The following CADM2 variants were observed in gnomAD, a reference collection of about 807,000 sequenced individuals.
The protein encoded by CADM2 is cell adhesion molecule 2.
Under a neutral mutation model 49.8 loss-of-function variants are expected in CADM2, and 12 were observed. The ratio of observed to expected loss-of-function variants is 0.24; its 90% CI spans 0.15 to 0.39. The LOEUF (loss-of-function observed/expected upper bound fraction) is 0.39, where lower values mean the gene tolerates loss of function less well. Among genes scored for constraint, CADM2 ranks in the 10% least tolerant of loss-of-function variants. The pLI is 1.00. For missense variants in CADM2, 378 were observed against 492.3 expected (o/e 0.77, Z 2.20); for synonymous variants, 214 against 175.4 (o/e 1.22, Z -1.74).
chr3:85,044,592 T>C (rs550302248), intron 1 of CADM2, among the ~76,000 whole-genome samples: 1 of 152,178 alleles, frequency 6.6e-6, no homozygotes, highest in African/African-American at 2.4e-5. Flanking sequence ...CTTCTTATAC[T>C]TTCTGCCAAG....
chr3:85,222,662 G>C (rs2042069430), intron 1 of CADM2, among the ~76,000 whole-genome samples: 1 of 152,006 alleles, frequency 6.6e-6, no homozygotes, highest in Non-Finnish European at 1.5e-5. Context: ...ATTATATTCA[G>C]CTTTGTCATC....
chr3:85,655,985 T>A (rs908953220), intron 1 of CADM2, among the ~76,000 whole-genome samples: 17 of 148,060 alleles, frequency 1.1e-4, no homozygotes, highest in Admixed American at 6.1e-4. Context: ...TTTTTTTTAA[T>A]TCTCTTCATC....
chr3:85,219,958 T>C (rs1476701338), intron 1 of CADM2, among the ~76,000 whole-genome samples: 1 of 152,172 alleles, frequency 6.6e-6, no homozygotes, highest in African/African-American at 2.4e-5. Flanking sequence ...AGTATGCATA[T>C]GAAATCCTAT....
intron 1 of CADM2, among the ~76,000 whole-genome samples, chr3:85,722,887 A>T (rs1336829510): frequency 1.3e-5 from 2 of 152,164 alleles, no homozygotes; most frequent in Non-Finnish European, 1.5e-5. Flanking sequence ...AGACAGAGAT[A>T]CATCTTCCAA....
chr3:85,866,343 T>G (rs1236810642), intron 3 of CADM2, among the ~76,000 whole-genome samples: 2 of 152,156 alleles, frequency 1.3e-5, no homozygotes, highest in East Asian at 1.9e-4. Flanking sequence ...TTATTGGAGC[T>G]AATTTTTGAC....
At chr3:85,422,176 AC>A (rs1553721385) in intron 1 of CADM2, among the ~76,000 whole-genome samples, 1 of 30,868 alleles carries the variant, frequency 3.2e-5, no homozygotes, top group Non-Finnish European at 1.0e-4. Flanking sequence ...GATTTTAATA[AC>A]AGTCGTTAAT....
chr3:84,972,756 C>T (rs2031547199), intron 1 of CADM2, among the ~76,000 whole-genome samples: 1 of 152,018 alleles, frequency 6.6e-6, no homozygotes, highest in Non-Finnish European at 1.5e-5. Flanking sequence ...TCAACAAATA[C>T]CTATTTGAAG....
At chr3:85,310,710 T>A (rs79744987) in intron 1 of CADM2, among the ~76,000 whole-genome samples, 96 of 152,208 alleles carry the variant, frequency 6.3e-4, no homozygotes, top group African/African-American at 2.3e-3. Flanking sequence ...AATAGAGTGG[T>A]TTTTTCTGTT....
intron 1 of CADM2, among the ~76,000 whole-genome samples, chr3:85,508,381 C>T (rs2040451842): frequency 6.6e-6 from 1 of 152,258 alleles, no homozygotes; most frequent in Non-Finnish European, 1.5e-5. Context: ...AATGTGTATT[C>T]TGTGAAGAGA....
chr3:85,977,029 T>C (rs1182868693), intron 8 of CADM2, among the ~76,000 whole-genome samples: 3 of 151,368 alleles, frequency 2.0e-5, no homozygotes, highest in African/African-American at 4.8e-5. Context: ...CTTGAAAATA[T>C]ATAGACTGTC....
intron 6 of CADM2, among the ~76,000 whole-genome samples, chr3:85,932,727 T>C (rs1027531505): frequency 1.3e-5 from 2 of 152,184 alleles, no homozygotes; most frequent in Non-Finnish European, 2.9e-5. Flanking sequence ...ACATAAATTC[T>C]GTTTTTGTGT....
At chr3:85,433,319 T>G (rs1464623539) in intron 1 of CADM2, among the ~76,000 whole-genome samples, 1 of 152,134 alleles carries the variant, frequency 6.6e-6, no homozygotes. Context: ...CATATGTATA[T>G]ATTCATTTAT....
At position 85,535,051 on chromosome 3, in the gene CADM2, A is replaced by T. The variant is rs147129800; in HGVS notation, c.62-191471A>T. ...CTTCATGTCTGTTTCATAATATGTG[A>T]CAAATGCAGTTCACGATGTTACTCA... On this transcript the variant is annotated intron_variant, in intron 1 of 9. Coordinates refer to ENST00000383699, the MANE Select transcript of CADM2 (RefSeq NM_001167675.2). 1.3e-3 allele frequency among the ~76,000 whole-genome samples: 195 copies of T among 150,140 alleles called. 1 individual carries two copies. The highest frequency in any genetic ancestry group is 3.4e-3 in the Middle Eastern group (1 of 290).
At chr3:85,585,244 G>A (rs74969751) in intron 1 of CADM2, among the ~76,000 whole-genome samples, 3,265 of 151,938 alleles carry the variant, frequency 0.021, 142 homozygotes, top group South Asian at 0.1. Context: ...TACAGTGTTC[G>A]TGTTCAAGTA....
chr3:85,395,675 T>C (rs1009525189), intron 1 of CADM2, among the ~76,000 whole-genome samples: 3 of 152,094 alleles, frequency 2.0e-5, no homozygotes, highest in Non-Finnish European at 4.4e-5. Flanking sequence ...GCATTTCATA[T>C]ATCATCTTGA....
chr3:85,959,769 T>G (rs1185814852), intron 7 of CADM2, among the ~76,000 whole-genome samples: 1 of 151,940 alleles, frequency 6.6e-6, no homozygotes, highest in African/African-American at 2.4e-5. Flanking sequence ...AGCAGTAACA[T>G]GATGTACAAG....
intron 1 of CADM2, among the ~76,000 whole-genome samples, chr3:85,541,365 G>C (rs193172518): frequency 2.8e-4 from 43 of 151,416 alleles, no homozygotes; most frequent in Non-Finnish European, 3.4e-4. Flanking sequence ...AATGTAAATT[G>C]AATTCAAAAT....
At chr3:84,967,315 A>G (rs1233881638) in intron 1 of CADM2, among the ~76,000 whole-genome samples, 1 of 152,042 alleles carries the variant, frequency 6.6e-6, no homozygotes, top group African/African-American at 2.4e-5. Context: ...TATAGTGTGT[A>G]AAAAAAGTCC....
At chr3:84,964,158 T>C (rs1267125060) in intron 1 of CADM2, among the ~76,000 whole-genome samples, 1 of 152,206 alleles carries the variant, frequency 6.6e-6, no homozygotes, top group Non-Finnish European at 1.5e-5. Flanking sequence ...TGTCCTTCAT[T>C]AGAAGATAAG....
Sources: gnomAD v4.1 joint callset for allele counts (sites outside exome capture counted in the v4.1 genomes callset) on GRCh38, gnomAD v4.1.1 for gene constraint, MANE v1.5 for transcripts, NCBI Gene and HGNC (gene_info 2026-07-23, HGNC 2026-07-21) for gene names.